Variants in UNC5D observed in about 807,000 individuals in gnomAD.
The protein encoded by UNC5D is netrin receptor UNC5D.
In UNC5D, 39 loss-of-function variants were observed where a neutral mutation model predicts 105.4. That is an observed-to-expected ratio of 0.37 (90% CI 0.29 to 0.48). UNC5D has a LOEUF of 0.48. Among genes scored for constraint, UNC5D ranks in the 20% least tolerant of loss-of-function variants. UNC5D has a pLI of 0.98. For synonymous variants in UNC5D, 452 were observed against 450.4 expected, an observed-to-expected ratio of 1.00 and a Z score of -0.04; for missense variants, 991 against 1,202.4, an observed-to-expected ratio of 0.82 and a Z score of 2.60.
intron 10 of UNC5D, among the ~76,000 whole-genome samples, chr8:35,730,435 G>A (rs572551807): frequency 2.0e-5 from 3 of 152,244 alleles, no homozygotes; most frequent in Non-Finnish European, 4.4e-5. Flanking sequence ...GGTCATGGTT[G>A]TGCAATAATC....
At chr8:35,264,857 A>G (rs1401708286) in intron 1 of UNC5D, among the ~76,000 whole-genome samples, 1 of 152,108 alleles carries the variant, frequency 6.6e-6, no homozygotes, top group Non-Finnish European at 1.5e-5. Flanking sequence ...ATGTGTTAAG[A>G]GTAGAGTGGA....
At chr8:35,288,930 AG>A (rs1806826482) in intron 1 of UNC5D, among the ~76,000 whole-genome samples, 1 of 152,180 alleles carries the variant, frequency 6.6e-6, no homozygotes, top group African/African-American at 2.4e-5. Flanking sequence ...ACAGCAGGAA[AG>A]GAAGAAAAAA....
chr8:35,379,765 G>A (rs1334561314), intron 1 of UNC5D, among the ~76,000 whole-genome samples: 1 of 152,140 alleles, frequency 6.6e-6, no homozygotes, highest in African/African-American at 2.4e-5. Context: ...AGGTGTGTAT[G>A]AGGAGAGACA....
intron 1 of UNC5D, among the ~76,000 whole-genome samples, chr8:35,529,313 C>A (rs1397811568): frequency 1.9e-5 from 2 of 105,596 alleles, no homozygotes; most frequent in Non-Finnish European, 3.5e-5. Flanking sequence ...GGAATCCTTT[C>A]CCCATTGCTT....
At chr8:35,509,373 A>C (rs975265370) in intron 1 of UNC5D, among the ~76,000 whole-genome samples, 2 of 150,986 alleles carry the variant, frequency 1.3e-5, no homozygotes, top group Admixed American at 1.3e-4. Flanking sequence ...TGCCAGGACC[A>C]AGAAGCAGCA....
chr8:35,515,178 CTT>C (rs1253998097), intron 1 of UNC5D, among the ~76,000 whole-genome samples: 1 of 152,160 alleles, frequency 6.6e-6, no homozygotes, highest in East Asian at 1.9e-4. Context: ...TTCGGCAAAA[CTT>C]TTGTGGCCTT....
chr8:35,764,307 CAG>C (rs1299199995), intron 14 of UNC5D, among the ~76,000 whole-genome samples: 3 of 152,058 alleles, frequency 2.0e-5, no homozygotes, highest in Non-Finnish European at 4.4e-5. Context: ...AGATAAATAA[CAG>C]AGATGATGTT....
chr8:35,328,831 T>C (rs968222036), intron 1 of UNC5D, among the ~76,000 whole-genome samples: 7 of 152,198 alleles, frequency 4.6e-5, no homozygotes, highest in Admixed American at 3.3e-4. Flanking sequence ...AGATGAACTG[T>C]TTCTTTCATG....
chr8:35,458,554 A>G (rs1462612426), intron 1 of UNC5D, among the ~76,000 whole-genome samples: 1 of 152,158 alleles, frequency 6.6e-6, no homozygotes, highest in African/African-American at 2.4e-5. Flanking sequence ...TCTTGCCACT[A>G]AGGAAAACAA....
In UNC5D at chr8:35,737,300, G is replaced by GTGTGTGTGTGTGTT. The variant is rs57002738; in HGVS notation, c.1766+6205_1766+6206insGTGTGTGTGTGTTT. Among the ~76,000 whole-genome samples the GTGTGTGTGTGTGTT allele has an allele frequency of 2.0e-3, 261 of 130,156 alleles. 3 individuals carry two copies. The highest frequency in any genetic ancestry group is 7.8e-3 in the Middle Eastern group (2 of 256). The allele number at this position is 130,156 out of a possible 152,430, so 85.4% of individuals were successfully genotyped here. A position where few individuals can be genotyped will look rare whatever the true frequency, so the allele number is the denominator to read the frequency against. On this transcript the variant is annotated intron_variant, in intron 11 of 16. Transcript: ENST00000404895. The stretch of plus-strand genomic sequence containing the variant: ...TGTGTGTGTGTGTGTGTGTGTGTGT[G>GTGTGTGTGTGTGTT]TTAATGTGTGATGAAGGAATTGAAG...
intron 6 of UNC5D, among the ~76,000 whole-genome samples, chr8:35,686,197 G>A (rs1213903531): frequency 6.6e-6 from 1 of 152,112 alleles, no homozygotes; most frequent in Admixed American, 6.5e-5. Flanking sequence ...AGTGGTTACT[G>A]CACACAGTTT....
chr8:35,270,925 GTA>G (rs35226462), intron 1 of UNC5D, among the ~76,000 whole-genome samples: 124,166 of 150,822 alleles, frequency 0.82, 51,434 homozygotes, highest in East Asian at 1. Flanking sequence ...TGCCCCTATG[GTA>G]TATATATATA....
intron 1 of UNC5D, among the ~76,000 whole-genome samples, chr8:35,460,734 T>C (rs939013929): frequency 6.6e-6 from 1 of 152,226 alleles, no homozygotes; most frequent in African/African-American, 2.4e-5. Flanking sequence ...CTTATCTATC[T>C]CTATCTGGCT....
chr8:35,526,185 T>C (rs1813857566), intron 1 of UNC5D, among the ~76,000 whole-genome samples: 1 of 152,214 alleles, frequency 6.6e-6, no homozygotes, highest in South Asian at 2.1e-4. Context: ...GTTTTCTACT[T>C]TCTCATAGAA....
chr8:35,337,772 CAGAT>C (rs758229293), intron 1 of UNC5D, among the ~76,000 whole-genome samples: 5 of 149,758 alleles, frequency 3.3e-5, no homozygotes, highest in Non-Finnish European at 5.9e-5. Flanking sequence ...AAAAAAAAAA[CAGAT>C]AGCCAAGGAA....
intron 1 of UNC5D, among the ~76,000 whole-genome samples, chr8:35,302,084 G>C (rs1160936882): frequency 6.6e-6 from 1 of 152,154 alleles, no homozygotes; most frequent in African/African-American, 2.4e-5. Flanking sequence ...AGAGGTGCTG[G>C]GGGAAGGAGG....
chr8:35,761,562 A>G (rs778576503), intron 14 of UNC5D, among the ~76,000 whole-genome samples: 3 of 152,256 alleles, frequency 2.0e-5, no homozygotes, highest in Non-Finnish European at 4.4e-5. Context: ...GTGAACATGT[A>G]TAAATATTTG....
At chr8:35,545,360 G>C (rs1259161335) in intron 1 of UNC5D, among the ~76,000 whole-genome samples, 3 of 152,124 alleles carry the variant, frequency 2.0e-5, no homozygotes, top group African/African-American at 7.2e-5. Flanking sequence ...ACAGTTTCCT[G>C]AAGAATTCAG....
At position 35,282,476 on chromosome 8, in the gene UNC5D, T is replaced by A. The variant is rs142508355; in HGVS notation, c.103+46589T>A. Among the ~76,000 whole-genome samples, 83 of 152,282 alleles carry A rather than the reference T, an allele frequency of 5.5e-4. 1 individual carries two copies. Among genetic ancestry groups the A allele is most frequent in the Non-Finnish European group, 4.4e-4 (30 of 68,012 alleles). On this transcript the variant is annotated intron_variant, in intron 1 of 16. Coordinates refer to ENST00000404895, the MANE Select transcript of UNC5D (RefSeq NM_080872.4). ...TCAGAAATTATTGTCACATGTGAAG[T>A]CTCTTCAATAGGGCATAAGGAGTTG...
Sources: allele counts gnomAD v4.1 joint callset (sites outside exome capture counted in the v4.1 genomes callset), GRCh38; gene constraint gnomAD v4.1.1; transcripts MANE v1.5; gene names NCBI Gene and HGNC (gene_info 2026-07-23, HGNC 2026-07-21).